The following NFAM1 variants were observed in gnomAD, a reference collection of about 807,000 sequenced individuals.
The protein encoded by NFAM1 is NFAT activating protein with ITAM motif 1.
Under a neutral mutation model 29.0 loss-of-function variants are expected in NFAM1, and 17 were observed. That is an observed-to-expected ratio of 0.59 (90% confidence interval 0.40 to 0.88). NFAM1 has a LOEUF of 0.88. Ranked by LOEUF, NFAM1 falls within the 40% of genes least tolerant of loss-of-function variation. The pLI, the probability that NFAM1 is intolerant of heterozygous loss-of-function variation, is 0.00. For missense variants in NFAM1, 324 were observed against 344.6 expected, an observed-to-expected ratio of 0.94 and a Z score of 0.47; for synonymous variants, 175 against 147.2, an observed-to-expected ratio of 1.19 and a Z score of -1.36.
chr22:42,429,139 T>C (rs2146559564), intron 1 of NFAM1, among the ~76,000 whole-genome samples: 1 of 152,286 alleles, frequency 6.6e-6, no homozygotes, highest in African/African-American at 2.4e-5. Flanking sequence ...ACCTCAAGTT[T>C]CCATGGCTCT....
At chr22:42,392,343 T>C (rs931079735) in intron 4 of NFAM1, among the ~76,000 whole-genome samples, 2 of 152,016 alleles carry the variant, frequency 1.3e-5, no homozygotes, top group African/African-American at 2.4e-5. Flanking sequence ...CAGATGCCGT[T>C]GATTCATCAA....
intron 5 of NFAM1, among the ~76,000 whole-genome samples, chr22:42,385,457 C>T (rs1188073481): frequency 6.6e-6 from 1 of 151,740 alleles, no homozygotes; most frequent in African/African-American, 2.4e-5. Context: ...AGCCTCAGAG[C>T]TTCCCCCACA....
At chr22:42,397,523 G>C (rs886084862) in intron 4 of NFAM1, among the ~76,000 whole-genome samples, 9 of 152,160 alleles carry the variant, frequency 5.9e-5, no homozygotes, top group African/African-American at 2.2e-4. Context: ...GGTAAGAGCT[G>C]TTTGGTCAGA....
intron 1 of NFAM1, among the ~76,000 whole-genome samples, chr22:42,412,073 A>C (rs537717496): frequency 6.6e-6 from 1 of 152,180 alleles, no homozygotes; most frequent in African/African-American, 2.4e-5. Context: ...CTCTATTAAA[A>C]ATACAAAGAT....
At chr22:42,435,678 CTTA>C (rs1453845647), upstream of NFAM1, among the ~76,000 whole-genome samples, 1 of 152,108 alleles carries the variant, frequency 6.6e-6, no homozygotes, top group East Asian at 1.9e-4. Flanking sequence ...TCCACAAACA[CTTA>C]TTATGTGCCT....
intron 5 of NFAM1, among the ~76,000 whole-genome samples, chr22:42,386,100 C>T (rs1929129735): frequency 6.6e-6 from 1 of 152,072 alleles, no homozygotes; most frequent in African/African-American, 2.4e-5. Context: ...ATGGGCCGGG[C>T]GCGGTGCCTC....
intron 1 of NFAM1, among the ~76,000 whole-genome samples, chr22:42,413,524 C>T (rs1157028946): frequency 6.6e-6 from 1 of 152,126 alleles, no homozygotes; most frequent in African/African-American, 2.4e-5. Flanking sequence ...GCCTGTAATC[C>T]TAGCACTTTG....
chr22:42,418,122 C>T (rs1315342942), intron 1 of NFAM1, among the ~76,000 whole-genome samples: 1 of 152,142 alleles, frequency 6.6e-6, no homozygotes, highest in African/African-American at 2.4e-5. Context: ...GAAATAGGGG[C>T]GATGAGCGGG....
chr22:42,420,883 G>T (rs1489637239), intron 1 of NFAM1, among the ~76,000 whole-genome samples: 1 of 152,158 alleles, frequency 6.6e-6, no homozygotes, highest in Non-Finnish European at 1.5e-5. Flanking sequence ...TTAAACTTGG[G>T]TCATCTAATA....
chr22:42,390,100 TGA>T (rs1473063810), intron 4 of NFAM1, among the ~76,000 whole-genome samples: 1 of 151,384 alleles, frequency 6.6e-6, no homozygotes, highest in Non-Finnish European at 1.5e-5. Flanking sequence ...GCCTGGAGGC[TGA>T]GAGTAAGATC....
chr22:42,395,098 C>A (rs888096774), intron 4 of NFAM1, among the ~76,000 whole-genome samples: 2 of 151,742 alleles, frequency 1.3e-5, no homozygotes, highest in African/African-American at 4.9e-5. Context: ...AGCTGGAGAC[C>A]GGGAGGTGGA....
chr22:42,412,696 C>T (rs1201970307), intron 1 of NFAM1, among the ~76,000 whole-genome samples: 2 of 152,228 alleles, frequency 1.3e-5, no homozygotes, highest in Non-Finnish European at 2.9e-5. Flanking sequence ...ACAGTTCTCC[C>T]CGTGCCAAAG....
At chr22:42,395,020 A>C (rs1042354329) in intron 4 of NFAM1, among the ~76,000 whole-genome samples, 1 of 152,118 alleles carries the variant, frequency 6.6e-6, no homozygotes, top group Non-Finnish European at 1.5e-5. Flanking sequence ...CAAAAAATTA[A>C]AAAATTAGCC....
chr22:42,402,330 C>T (rs185271892), intron 3 of NFAM1, among the ~76,000 whole-genome samples: 7 of 152,262 alleles, frequency 4.6e-5, no homozygotes, highest in African/African-American at 1.2e-4. Context: ...CATGAGGTGG[C>T]GGCACCCTCA....
At chr22:42,387,945 C>T (rs1306718106) in intron 4 of NFAM1, among the ~76,000 whole-genome samples, 1 of 152,208 alleles carries the variant, frequency 6.6e-6, no homozygotes, top group African/African-American at 2.4e-5. Context: ...GAGTCCTGCT[C>T]CCACCAGCAT....
intron 3 of NFAM1, among the ~76,000 whole-genome samples, chr22:42,402,272 C>T (rs73886073): frequency 0.028 from 4,259 of 152,238 alleles, 204 homozygotes; most frequent in African/African-American, 0.099. Flanking sequence ...ATCTGGAGCA[C>T]GTGTGCTGGG....
intron 1 of NFAM1, among the ~76,000 whole-genome samples, chr22:42,412,648 T>C (rs1175693186): frequency 6.6e-6 from 1 of 152,182 alleles, no homozygotes; most frequent in Non-Finnish European, 1.5e-5. Flanking sequence ...AACCCAAGCG[T>C]TTCCTGGCGG....
At chr22:42,424,292 G>A (rs1368388531) in intron 1 of NFAM1, among the ~76,000 whole-genome samples, 2 of 152,126 alleles carry the variant, frequency 1.3e-5, no homozygotes, top group African/African-American at 4.8e-5. Context: ...GCAGGCGCCT[G>A]TAGTCCCAGC....
intron 3 of NFAM1, among the ~76,000 whole-genome samples, chr22:42,398,589 T>C (rs1438831213): frequency 6.6e-6 from 1 of 151,900 alleles, no homozygotes; most frequent in Non-Finnish European, 1.5e-5. Context: ...TAATTTTGTA[T>C]TTTTAGTAGA....
Sources: allele counts gnomAD v4.1 joint callset (sites outside exome capture counted in the v4.1 genomes callset), GRCh38; gene constraint gnomAD v4.1.1; transcripts MANE v1.5; gene names NCBI Gene and HGNC (gene_info 2026-07-23, HGNC 2026-07-21).